The following GAK variants were observed in gnomAD, a reference collection of about 807,000 sequenced individuals.
GAK encodes cyclin G associated kinase.
Under a neutral mutation model 143.9 loss-of-function variants are expected in GAK, and 79 were observed. The ratio of observed to expected loss-of-function variants is 0.55; its 90% confidence interval spans 0.46 to 0.66. The LOEUF (loss-of-function observed/expected upper bound fraction) is 0.66. GAK is among the 30% of genes least tolerant of loss of function. The pLI is 0.00. For missense variants in GAK, 1,693 were observed against 1,779.7 expected (o/e 0.95, Z 0.88); for synonymous variants, 881 against 765.5 (o/e 1.15, Z -2.49).
intron 19 of GAK, 119 bp from the exon 20 acceptor site, chr4:868,804 C>A (rs547490086): frequency 5.9e-6 from 6 of 1,020,036 alleles, no homozygotes; most frequent in Admixed American, 2.6e-5. Flanking sequence ...GCCAGGCCAT[C>A]GGTAAAGCAG....
chr4:855,879 T>C (rs955460884), intron 24 of GAK, among the ~76,000 whole-genome samples: 4 of 152,136 alleles, frequency 2.6e-5, no homozygotes, highest in African/African-American at 4.8e-5. Context: ...TGCTTGAAAC[T>C]GGGAGGTGGA....
intron 1 of GAK, 72 bp downstream of exon 1, chr4:931,971 G>T: frequency 8.8e-7 from 1 of 1,136,888 alleles, no homozygotes; most frequent in Non-Finnish European, 1.3e-6. Context: ...TCCACTCCGG[G>T]CTGACGCTGC....
At chr4:884,360 GC>G in intron 11 of GAK, 1 of 466,448 alleles carries the variant, frequency 2.1e-6, no homozygotes, top group South Asian at 2.3e-5. Flanking sequence ...CTGTCTGACT[GC>G]CCCTTCCCCT....
At chr4:908,557 G>T (rs899898290) in intron 4 of GAK, among the ~76,000 whole-genome samples, 1 of 152,184 alleles carries the variant, frequency 6.6e-6, no homozygotes, top group Non-Finnish European at 1.5e-5. Flanking sequence ...CAGTGCTACA[G>T]GTGTTGCTTG....
chr4:932,230 G>C lies in GAK; in HGVS notation c.-43C>G. The stretch of plus-strand genomic sequence containing the variant: ...ACCCCGCGGCAGCCGGAGTGGTCGG[G>C]CTCGGGCTCCCGCTCCCTCGCCGTC... On this transcript the variant is annotated 5_prime_UTR_variant, in exon 1 of 28. Coordinates refer to ENST00000314167, the MANE Select transcript of GAK (RefSeq NM_005255.4). This position sits in a 1 kb window ranked among gnomAD's most constrained non-coding sequence, Gnocchi z 4.0. The C allele has an allele frequency of 6.7e-7, 1 of 1,488,712 alleles. No individual in the cohort carries two copies. The highest frequency in any genetic ancestry group is 8.9e-7 in the Non-Finnish European group (1 of 1,124,064). 92.2% of individuals were successfully genotyped at this position (1,488,712 alleles called of 1,614,324 possible). A position where few individuals can be genotyped will look rare whatever the true frequency, so the allele number is the denominator to read the frequency against.
chr4:859,716 A>T lies in GAK; in HGVS notation c.3173T>A (p.Leu1058His). Residue 1058 changes from leucine (L) to histidine (H), a missense_variant, in exon 24 of 28, where the codon CTC becomes CAC. Physicochemically the swap from Leu to His is moderately conservative, Grantham distance 99. Transcript: ENST00000314167. ...VAPTPATEGP[L>H]FSPGGQPAPC... ...GGCCGGCTGACCTCCAGGAGAGAAGAGGGGGCCTGGAGAAGGGGCACAGGG... is the reference window on the plus strand; with the variant it reads ...GGCCGGCTGACCTCCAGGAGAGAAGTGGGGGCCTGGAGAAGGGGCACAGGG... 1 of 1,589,626 alleles carries T rather than the reference A, an allele frequency of 6.3e-7. No homozygotes were observed.
chr4:900,503 C>T (rs1419063772), intron 5 of GAK, among the ~76,000 whole-genome samples: 1 of 152,152 alleles, frequency 6.6e-6, no homozygotes, highest in African/African-American at 2.4e-5. Context: ...TTAAAATACA[C>T]ACTCAAGCCC....
At chr4:890,196 G>A (rs576580153) in intron 10 of GAK, among the ~76,000 whole-genome samples, 5 of 152,252 alleles carry the variant, frequency 3.3e-5, no homozygotes, top group African/African-American at 1.2e-4. Context: ...TGGCCACGGC[G>A]CAGGCTGCCT....
Position 867,126 on chromosome 4 carries a change from C to T in GAK, c.2702G>A (p.Cys901Tyr). The T allele has an allele frequency of 6.3e-7, 1 of 1,581,750 alleles. No homozygotes were observed. The change falls in exon 21 of 28, where the codon TGC becomes TAC. Residue 901 changes from cysteine (C) to tyrosine (Y), a missense_variant. Physicochemically the swap from Cys to Tyr is radical, Grantham distance 194 (BLOSUM62 -2). Around this residue, in one of 2 missense-constraint regions of GAK, gnomAD observed 822 missense variants for 788.7 expected, o/e 1.04. Coordinates refer to ENST00000314167, the MANE Select transcript of GAK (RefSeq NM_005255.4). ...GTCGGTGTTGCTGGAGGGGGCCTTGCAGGCCTGCGGGGGTACAGCTGGCCC... is the reference window on the plus strand; with the variant it reads ...GTCGGTGTTGCTGGAGGGGGCCTTGTAGGCCTGCGGGGGTACAGCTGGCCC... ...GAGPAVPPQA[C>Y]KAPSSNTDLL...
rs1051393003 is a variant in GAK, at chr4:912,786, T to G, written c.216A>C (p.Leu72Phe). Residue 72 changes from leucine to phenylalanine, a missense_variant, in exon 3 of 28, where the codon TTA becomes TTC. Transcript: ENST00000314167. ...CTCTGTTCTTTTCCTCTTCATTGGA[T>G]AATAGCCTCTGTATCAGGAAACAGC... ...SGREYALKRL[L>F]SNEEEKNRAI... is the part of the protein sequence containing the mutation. 4.3e-6 allele frequency: 7 copies of G among 1,613,282 alleles called. No homozygotes were observed. Among genetic ancestry groups the G allele is most frequent in the Non-Finnish European group, 5.1e-6 (6 of 1,179,528 alleles).
intron 23 of GAK, among the ~76,000 whole-genome samples, chr4:864,904 C>T (rs1260649017): frequency 6.6e-6 from 1 of 152,236 alleles, no homozygotes. Flanking sequence ...CTCTGGGACA[C>T]CAAGTCTGTG....
At chr4:882,423 G>A (rs374940978) in intron 14 of GAK, among the ~76,000 whole-genome samples, 13 of 152,122 alleles carry the variant, frequency 8.5e-5, no homozygotes, top group East Asian at 7.7e-4. Flanking sequence ...GGTGGCCACC[G>A]AGCAGGAGGG....
rs114842279 is a variant in GAK at position 866,739 on chromosome 4, C to T, written c.2873-205G>A. The stretch of plus-strand genomic sequence containing the variant: ...GATGACTTTCCCAGGGACACAGCAA[C>T]ACTGCTGAGATGGAGAAGCCAGTAG... On this transcript the variant is annotated intron_variant, in intron 21 of 27. Coordinates refer to ENST00000314167, the MANE Select transcript of GAK (RefSeq NM_005255.4). Among the ~76,000 whole-genome samples, 505 of 152,312 alleles carry T rather than the reference C, an allele frequency of 3.3e-3. 5 individuals carry two copies. Among genetic ancestry groups the T allele is most frequent in the African/African-American group, 0.012 (484 of 41,566 alleles).
chr4:852,268 TTG>T, intron 24 of GAK: 1 of 459,318 alleles, frequency 2.2e-6, no homozygotes, highest in South Asian at 2.4e-5. Flanking sequence ...GACCCAGGGC[TTG>T]TCCACGGGGG....
rs748618728 is a variant in GAK, at chr4:867,332, C to T, written c.2496G>A (p.Gly832=). 6 of 1,609,390 alleles carry T rather than the reference C, an allele frequency of 3.7e-6. No homozygotes were observed. Among genetic ancestry groups the T allele is most frequent in the Non-Finnish European group, 5.1e-6 (6 of 1,177,072 alleles). Residue 832 remains glycine (G), a synonymous_variant, in exon 21 of 28, where the codon GGG becomes GGA. Coordinates refer to ENST00000314167, the MANE Select transcript of GAK (RefSeq NM_005255.4). ...GGCCCTCGCTGGAGATCGGGGATCCCCCTTCATCTGACACCTCACTCTCGT... is the reference window on the plus strand; with the variant it reads ...GGCCCTCGCTGGAGATCGGGGATCCTCCTTCATCTGACACCTCACTCTCGT... ...DRDESEVSDE[G]GSPISSEGQE... is the part of the protein sequence containing the mutation.
At chr4:851,696 C>A in intron 25 of GAK, 54 bp downstream of exon 25, 1 of 1,547,828 alleles carries the variant, frequency 6.5e-7, no homozygotes, top group Non-Finnish European at 8.9e-7. Context: ...CTACCTTTAG[C>A]CAATTCAGGG....
At chr4:883,563 G>A in intron 12 of GAK, 100 bp from the exon 13 acceptor site, 1 of 1,345,084 alleles carries the variant, frequency 7.4e-7, no homozygotes, top group African/African-American at 1.4e-5. Context: ...GGCAAGCGCA[G>A]CCTCCGGCAG....
intron 19 of GAK, among the ~76,000 whole-genome samples, chr4:870,434 C>T (rs1429191918): frequency 3.9e-5 from 6 of 152,208 alleles, no homozygotes; most frequent in African/African-American, 9.7e-5. Flanking sequence ...GACAAAACCC[C>T]GCTTCGCTCC....
rs1056949306 is a variant in GAK, at chr4:851,153, A to G, written c.3509-69T>C. 29 of 1,387,446 alleles carry G rather than the reference A, an allele frequency of 2.1e-5. No individual in the cohort carries two copies. The African/African-American group carries it at 4.0e-4, about 19-fold the overall frequency. The allele number at this position is 1,387,446 out of a possible 1,614,324, so 85.9% of individuals were successfully genotyped here. ...CACTCTGTCACCCAGGCCAGAGTGC[A>G]ATGGCGTGATCTCAGCTCTCTGCAG... On this transcript the variant is annotated intron_variant, in intron 25 of 27. Coordinates refer to ENST00000314167, the MANE Select transcript of GAK (RefSeq NM_005255.4).
Sources: gnomAD v4.1 joint callset for allele counts (sites outside exome capture counted in the v4.1 genomes callset) on GRCh38, gnomAD v4.1.1 for gene constraint, gnomAD v4.1.1 regional missense constraint, Gnocchi (gnomAD v3.1) non-coding constraint, MANE v1.5 for transcripts, NCBI Gene and HGNC (gene_info 2026-07-23, HGNC 2026-07-21) for gene names.